The following CACNG8 variants were observed in gnomAD, a reference collection of about 807,000 sequenced individuals.
CACNG8 encodes the protein voltage-dependent calcium channel gamma-8 subunit.
In CACNG8, 5 loss-of-function variants were observed where a neutral mutation model predicts 26.9. The ratio of observed to expected loss-of-function variants is 0.19; its 90% CI spans 0.10 to 0.39. CACNG8 has a LOEUF of 0.39. Among genes scored for constraint, CACNG8 ranks in the 10% least tolerant of loss-of-function variants. The pLI is 1.00. For synonymous variants in CACNG8, 321 were observed against 296.7 expected (o/e 1.08, Z -0.84); for missense variants, 473 against 609.4 (o/e 0.78, Z 2.36).
chr19:53,971,064 G>T (rs150890226), intron 1 of CACNG8, among the ~76,000 whole-genome samples: 8,878 of 151,934 alleles, frequency 0.058, 267 homozygotes, highest in Middle Eastern at 0.082. Context: ...GGCCGAGGTG[G>T]GTGGATCACG....
chr19:53,977,043 A>G (rs2069334007), intron 1 of CACNG8, among the ~76,000 whole-genome samples: 1 of 152,216 alleles, frequency 6.6e-6, no homozygotes, highest in South Asian at 2.1e-4. Flanking sequence ...ACACAGAGGA[A>G]TCGGACTCCC....
chr19:53,981,360 C>T (rs905041388), intron 3 of CACNG8, among the ~76,000 whole-genome samples: 1 of 147,774 alleles, frequency 6.8e-6, no homozygotes, highest in African/African-American at 2.5e-5. Context: ...GGCCTGGACT[C>T]GCTGGGAGTG....
intron 1 of CACNG8, among the ~76,000 whole-genome samples, chr19:53,973,780 C>A (rs1021275984): frequency 1.3e-5 from 2 of 150,282 alleles, no homozygotes; most frequent in Non-Finnish European, 3.0e-5. Flanking sequence ...GAGCCGAAAT[C>A]GAGCCATTGC....
At chr19:53,964,412 A>T (rs754384905) in intron 1 of CACNG8, among the ~76,000 whole-genome samples, 1 of 151,522 alleles carries the variant, frequency 6.6e-6, no homozygotes, top group Non-Finnish European at 1.5e-5. Flanking sequence ...GCCCCCACCC[A>T]TGTCTCTCCC....
In CACNG8 at chr19:53,979,910, C is replaced by G. The variant is rs1438290561; in HGVS notation, c.411C>G (p.Ile137Met). The stretch of plus-strand genomic sequence containing the variant: ...GCATCTTCCCCATCCTTAGCGCCAT[C>G]CTGCTGCTGCTCGGGGGTGTGTGCG... The change falls in exon 3 of 4, where the codon ATC becomes ATG. Residue 137 changes from isoleucine (I) to methionine (M), a missense_variant. Ile to Met is a conservative substitution (Grantham distance 10). Coordinates refer to ENST00000270458, the MANE Select transcript of CACNG8 (RefSeq NM_031895.6). The G allele has an allele frequency of 1.2e-6, 2 of 1,611,080 alleles. No homozygotes were observed. The highest frequency in any genetic ancestry group is 1.7e-5 in the Admixed American group (1 of 59,802).
At chr19:53,976,998 C>G (rs558949095) in intron 1 of CACNG8, among the ~76,000 whole-genome samples, 18 of 152,318 alleles carry the variant, frequency 1.2e-4, no homozygotes, top group African/African-American at 4.3e-4. Context: ...TGAGGTCTCC[C>G]GTGTGCCAGG....
rs1456480516 is a variant in CACNG8, at chr19:53,986,037, TAG to T, written c.*3191_*3192del. Reference sequence around the variant, plus strand: ...GGGAGAGCAGGAGAGACCAAACTAGTAGAGTCACAGACAGAGAAAAAGTCAAA... The same window carrying T: ...GGGAGAGCAGGAGAGACCAAACTAGTAGTCACAGACAGAGAAAAAGTCAAA... On this transcript the variant is annotated 3_prime_UTR_variant, in exon 4 of 4. Transcript: ENST00000270458. 2.0e-5 allele frequency: 3 copies of T among 150,664 alleles called. No homozygotes were observed. Among genetic ancestry groups the T allele is most frequent in the Admixed American group, 1.3e-4 (2 of 15,064 alleles). 9.3% of individuals were successfully genotyped at this position (150,664 alleles called of 1,614,324 possible).
At chr19:53,965,285 C>G (rs1009310105) in intron 1 of CACNG8, among the ~76,000 whole-genome samples, 1 of 152,270 alleles carries the variant, frequency 6.6e-6, no homozygotes, top group Non-Finnish European at 1.5e-5. Flanking sequence ...TCTGAGCTGG[C>G]GGAAGATCTA....
Position 53,982,545 on chromosome 19 carries a change from C to T in CACNG8, c.974C>T (p.Ala325Val). Residue 325 changes from alanine (A) to valine (V), a missense_variant, in exon 4 of 4, where the codon GCC becomes GTC. Coordinates refer to ENST00000270458, the MANE Select transcript of CACNG8 (RefSeq NM_031895.6). The surrounding 1 kb of genome is among the most constrained non-coding windows in gnomAD (Gnocchi z 8.4). The stretch of plus-strand genomic sequence containing the variant: ...AGCGTGGCCGCGGGGCTGGCGGGGG[C>T]CGGCGGCGGCGGCGGCGGCGCCGTG... 8.2e-7 allele frequency: 1 copy of T among 1,216,172 alleles called. No homozygotes were observed. The highest frequency in any genetic ancestry group is 1.6e-5 in the African/African-American group (1 of 62,542). 75.3% of individuals were successfully genotyped at this position (1,216,172 alleles called of 1,614,324 possible).
intron 1 of CACNG8, among the ~76,000 whole-genome samples, chr19:53,964,720 A>G (rs2069262690): frequency 2.0e-5 from 3 of 150,532 alleles, no homozygotes; most frequent in Non-Finnish European, 3.0e-5. Context: ...TCTCTCTCCC[A>G]CTCTTAGCAT....
At chr19:53,967,826 C>G (rs2069280047) in intron 1 of CACNG8, among the ~76,000 whole-genome samples, 1 of 151,968 alleles carries the variant, frequency 6.6e-6, no homozygotes, top group South Asian at 2.1e-4. Flanking sequence ...CAGAGAGAGA[C>G]TCTAAGAAAA....
chr19:53,977,932 T>G (rs561871764), intron 1 of CACNG8, among the ~76,000 whole-genome samples: 2 of 152,266 alleles, frequency 1.3e-5, no homozygotes, highest in East Asian at 3.9e-4. Flanking sequence ...TTTCCTTGCT[T>G]TTCTTCTTTT....
rs1352881009 is a variant in CACNG8, at chr19:53,983,023, G to A, written c.*174G>A. On this transcript the variant is annotated 3_prime_UTR_variant, in exon 4 of 4. Transcript: ENST00000270458. ...CCTCCCCCTCCGAAGCAGGGACCCCGAGGGAGGGGGCAGGGGAGGGAGGGG... is the reference window on the plus strand; with the variant it reads ...CCTCCCCCTCCGAAGCAGGGACCCCAAGGGAGGGGGCAGGGGAGGGAGGGG... The A allele has an allele frequency of 9.3e-6, 3 of 323,584 alleles. No individual in the cohort carries two copies. The highest frequency in any genetic ancestry group is 1.6e-5 in the Non-Finnish European group (3 of 186,754). 20.0% of individuals were successfully genotyped at this position (323,584 alleles called of 1,614,324 possible). A position where few individuals can be genotyped will look rare whatever the true frequency, so the allele number is the denominator to read the frequency against.
In CACNG8 at chr19:53,969,149, A is replaced by G. The variant is rs545394215; in HGVS notation, c.283+5724A>G. Reference sequence around the variant, plus strand: ...CTCCTGAGTAGCTGGGATTACAGGTACCCACCACCACACCCGGCTAATTTT... The same window carrying G: ...CTCCTGAGTAGCTGGGATTACAGGTGCCCACCACCACACCCGGCTAATTTT... On this transcript the variant is annotated intron_variant, in intron 1 of 3. Coordinates refer to ENST00000270458, the MANE Select transcript of CACNG8 (RefSeq NM_031895.6). 3.9e-5 allele frequency among the ~76,000 whole-genome samples: 6 copies of G among 151,994 alleles called. No homozygotes were observed. The South Asian group carries it at 1.2e-3, about 32-fold the overall frequency.
At chr19:53,969,811 G>A (rs181574795) in intron 1 of CACNG8, among the ~76,000 whole-genome samples, 4 of 152,122 alleles carry the variant, frequency 2.6e-5, no homozygotes, top group South Asian at 2.1e-4. Flanking sequence ...AGGAGCGGCC[G>A]TTCTTTATTC....
intron 1 of CACNG8, among the ~76,000 whole-genome samples, chr19:53,967,831 AG>A (rs2069280083): frequency 6.6e-6 from 1 of 152,118 alleles, no homozygotes; most frequent in Non-Finnish European, 1.5e-5. Flanking sequence ...AGAGACTCTA[AG>A]AAAAAAAAAC....
Position 53,982,588 on chromosome 19 carries a change from G to C in CACNG8, c.1017G>C (p.Ala339=). 2 of 975,202 alleles carry C rather than the reference G, an allele frequency of 2.1e-6. No homozygotes were observed. The highest frequency in any genetic ancestry group is 4.6e-5 in the South Asian group (1 of 21,900). 60.4% of individuals were successfully genotyped at this position (975,202 alleles called of 1,614,324 possible). The change falls in exon 4 of 4, where the codon GCG becomes GCC. Residue 339 remains alanine (A), a synonymous_variant. Transcript: ENST00000270458. The surrounding 1 kb of genome is among the most constrained non-coding windows in gnomAD (Gnocchi z 8.4). ...GCGCCGTGGGGGCGTTCGGCGGCGC[G>C]GCCGGGGGCGCCGGGGGCGGCGGCG...
intron 1 of CACNG8, among the ~76,000 whole-genome samples, chr19:53,965,003 G>A (rs1006520841): frequency 1.3e-5 from 2 of 152,088 alleles, no homozygotes; most frequent in Non-Finnish European, 2.9e-5. Context: ...ACGACAAGCC[G>A]GGAACGTTAT....
chr19:53,980,213 G>A (rs1390299753), intron 3 of CACNG8, among the ~76,000 whole-genome samples: 1 of 152,176 alleles, frequency 6.6e-6, no homozygotes, highest in Admixed American at 6.5e-5. Context: ...TGGGTAAGGT[G>A]GGTGTAGTTC....
Sources: gnomAD v4.1 joint callset for allele counts (sites outside exome capture counted in the v4.1 genomes callset) on GRCh38, gnomAD v4.1.1 for gene constraint, Gnocchi (gnomAD v3.1) non-coding constraint, MANE v1.5 for transcripts, NCBI Gene and HGNC (gene_info 2026-07-23, HGNC 2026-07-21) for gene names.